The following TIAM2 variants were observed in gnomAD, a reference collection of about 807,000 sequenced individuals.
TIAM2 encodes TIAM Rac1 associated GEF 2.
A neutral mutation model predicts 152.9 loss-of-function variants in TIAM2; 80 were observed. The observed-to-expected ratio is 0.52, with a 90% CI of 0.44 to 0.63. The LOEUF (loss-of-function observed/expected upper bound fraction) is 0.63, where lower values mean the gene tolerates loss of function less well. Ranked by LOEUF, TIAM2 falls within the 30% of genes least tolerant of loss-of-function variation. The pLI is 0.00. For synonymous variants in TIAM2, 804 were observed against 838.0 expected (o/e 0.96, Z 0.70); for missense variants, 1,965 against 2,120.1 (o/e 0.93, Z 1.44).
intron 14 of TIAM2, among the ~76,000 whole-genome samples, chr6:155,188,527 G>C (rs768813316): frequency 6.6e-6 from 1 of 152,198 alleles, no homozygotes; most frequent in South Asian, 2.1e-4. Flanking sequence ...AATATCATCT[G>C]TAAAAACTTT....
In TIAM2 at chr6:155,153,382, G is replaced by C. The variant is rs564018688; in HGVS notation, c.2028+5048G>C. Among the ~76,000 whole-genome samples the C allele has an allele frequency of 2.6e-5, 4 of 152,130 alleles. No homozygotes were observed. In the Middle Eastern group the frequency reaches 0.014, roughly 517 times the overall value. On this transcript the variant is annotated intron_variant, in intron 7 of 26. Transcript: ENST00000682666. ...AGTACTTTGGGAGGCTGAGGCTGGAGGTTCATTTGAGGCCAGGAGCTCAAG... is the reference window on the plus strand; with the variant it reads ...AGTACTTTGGGAGGCTGAGGCTGGACGTTCATTTGAGGCCAGGAGCTCAAG...
chr6:155,217,709 T>C (rs1781896463), intron 15 of TIAM2, among the ~76,000 whole-genome samples: 2 of 152,252 alleles, frequency 1.3e-5, no homozygotes, highest in South Asian at 4.1e-4. Flanking sequence ...GTAGGCGTTG[T>C]GTTGATAGAA....
At chr6:155,150,992 A>G (rs943251040) in intron 7 of TIAM2, among the ~76,000 whole-genome samples, 3 of 152,062 alleles carry the variant, frequency 2.0e-5, no homozygotes, top group Admixed American at 1.3e-4. Context: ...GCTACACACA[A>G]CTCTTGTTTT....
At chr6:154,999,752 A>C (rs1778282838) in intron 1 of TIAM2, among the ~76,000 whole-genome samples, 1 of 150,904 alleles carries the variant, frequency 6.6e-6, no homozygotes, top group East Asian at 2.0e-4. Flanking sequence ...GGCTCACTGC[A>C]ACTTCTGCCT....
chr6:155,130,576 T>A (rs541183675), intron 4 of TIAM2, among the ~76,000 whole-genome samples, 159 bp downstream of exon 4: 1 of 152,306 alleles, frequency 6.6e-6, no homozygotes, highest in African/African-American at 2.4e-5. Context: ...CATTTTCAAG[T>A]GTGGGTTTGT....
At chr6:155,122,513 T>TAGGAGGTA (rs1779186253) in intron 2 of TIAM2, among the ~76,000 whole-genome samples, 11 of 149,764 alleles carry the variant, frequency 7.3e-5, no homozygotes, top group East Asian at 2.0e-4. Flanking sequence ...GAATGGAGAA[T>TAGGAGGTA]GGATGGTAGG....
intron 9 of TIAM2, among the ~76,000 whole-genome samples, chr6:155,168,515 T>C (rs1460544018): frequency 6.6e-6 from 1 of 151,804 alleles, no homozygotes; most frequent in African/African-American, 2.4e-5. Flanking sequence ...TGCCACCACA[T>C]CTGGCTAATT....
intron 1 of TIAM2, among the ~76,000 whole-genome samples, chr6:155,048,688 G>T (rs1011714578): frequency 2.0e-5 from 3 of 152,172 alleles, no homozygotes; most frequent in African/African-American, 7.2e-5. Flanking sequence ...GGAGAATTTG[G>T]TTTGAAATAT....
chr6:155,229,310 G>A (rs573863406), intron 15 of TIAM2, among the ~76,000 whole-genome samples: 9 of 152,104 alleles, frequency 5.9e-5, no homozygotes, highest in Non-Finnish European at 1.2e-4. Context: ...TGGGGCACTC[G>A]GGAAATTTAT....
At chr6:155,008,142 A>T (rs1430429623) in intron 1 of TIAM2, among the ~76,000 whole-genome samples, 7 of 152,216 alleles carry the variant, frequency 4.6e-5, no homozygotes, top group African/African-American at 1.7e-4. Flanking sequence ...TATAGAGTGC[A>T]TTGAAAATTC....
At chr6:155,254,236 A>G (rs1054526481) in intron 25 of TIAM2, 176 bp downstream of exon 25, 49 of 1,015,852 alleles carry the variant, frequency 4.8e-5, no homozygotes, top group Non-Finnish European at 6.7e-5. Flanking sequence ...AATAAATATC[A>G]AAATCTTAAG....
intron 14 of TIAM2, among the ~76,000 whole-genome samples, chr6:155,208,716 G>A (rs1391259276): frequency 6.6e-6 from 1 of 152,112 alleles, no homozygotes; most frequent in African/African-American, 2.4e-5. Flanking sequence ...ACAAAGAGGG[G>A]ACCCGTAGAA....
At chr6:155,099,118 CA>C (rs67959607) in intron 2 of TIAM2, among the ~76,000 whole-genome samples, 56,494 of 151,726 alleles carry the variant, frequency 0.37, 11,229 homozygotes, top group Admixed American at 0.54. Context: ...ACCCGGGAGT[CA>C]GAGGTTGCGG....
chr6:155,136,526 G>A (rs924095437), intron 4 of TIAM2, among the ~76,000 whole-genome samples: 2 of 151,922 alleles, frequency 1.3e-5, no homozygotes, highest in East Asian at 2.0e-4. Context: ...CACCTGCCTC[G>A]GCCTCCCAAA....
Position 155,244,060 on chromosome 6 carries a change from C to T in TIAM2, c.3398C>T (p.Thr1133Ile), listed in dbSNP as rs1264152299. The T allele has an allele frequency of 1.9e-6, 3 of 1,614,012 alleles. No individual in the cohort carries two copies. The highest frequency in any genetic ancestry group is 2.2e-5 in the East Asian group (1 of 44,870). Residue 1133 changes from threonine (T) to isoleucine (I), a missense_variant, in exon 17 of 27, where the codon ACC becomes ATC. Around this residue, in one of 3 missense-constraint regions of TIAM2, gnomAD observed 935 missense variants for 980.0 expected, o/e 0.95. Coordinates refer to ENST00000682666, the MANE Select transcript of TIAM2 (RefSeq NM_012454.4). ...ELYLEPLQNE[T>I]FLTQDEMESL... is the part of the protein sequence containing the mutation. ...TACTTGGAGCCACTTCAGAATGAGA[C>T]CTTTCTTACCCAAGATGAGGTAAAT...
chr6:155,048,301 C>T (rs994447861), intron 1 of TIAM2, among the ~76,000 whole-genome samples: 1 of 151,900 alleles, frequency 6.6e-6, no homozygotes, highest in African/African-American at 2.4e-5. Flanking sequence ...GAGATGAGAT[C>T]TCACTATGTT....
intron 1 of TIAM2, among the ~76,000 whole-genome samples, chr6:155,061,502 T>TAG (rs1777578732): frequency 6.6e-6 from 1 of 152,126 alleles, no homozygotes; most frequent in Non-Finnish European, 1.5e-5. Flanking sequence ...AGTGAAAATC[T>TAG]TGAGTCGCGT....
chr6:155,178,423 T>G (rs959210620), intron 10 of TIAM2, among the ~76,000 whole-genome samples: 3 of 152,216 alleles, frequency 2.0e-5, no homozygotes, highest in Non-Finnish European at 2.9e-5. Context: ...TGGCATTTGC[T>G]GAGCTGATAA....
At chr6:155,002,069 C>G (rs1044055374) in intron 1 of TIAM2, among the ~76,000 whole-genome samples, 1 of 152,188 alleles carries the variant, frequency 6.6e-6, no homozygotes, top group African/African-American at 2.4e-5. Flanking sequence ...AGGATGACAG[C>G]AGCGCCTTCT....
Sources: gnomAD v4.1 joint callset for allele counts (sites outside exome capture counted in the v4.1 genomes callset) on GRCh38, gnomAD v4.1.1 for gene constraint, gnomAD v4.1.1 regional missense constraint, MANE v1.5 for transcripts, NCBI Gene and HGNC (gene_info 2026-07-23, HGNC 2026-07-21) for gene names.